The following CLYBL variants were observed in gnomAD, a reference collection of about 807,000 sequenced individuals.
CLYBL encodes citramalyl-CoA lyase, mitochondrial.
In CLYBL, 31 loss-of-function variants were observed where a neutral mutation model predicts 38.9. The ratio of observed to expected loss-of-function variants is 0.80; its 90% CI spans 0.60 to 1.08. The LOEUF (loss-of-function observed/expected upper bound fraction) is 1.08. CLYBL is among the 50% of genes least tolerant of loss of function. The pLI is 0.00. For missense variants in CLYBL, 434 were observed against 411.6 expected, an observed-to-expected ratio of 1.05 and a Z score of -0.47; for synonymous variants, 171 against 158.6, an observed-to-expected ratio of 1.08 and a Z score of -0.59.
At chr13:99,894,910 G>GA (rs1235483239), downstream of CLYBL, 1 of 152,156 alleles carries the variant, frequency 6.6e-6, no homozygotes, top group African/African-American at 2.4e-5. Context: ...CACAAGTTAG[G>GA]AAGTTTCTCG....
chr13:99,838,288 T>TTA, intron 2 of CLYBL, among the ~76,000 whole-genome samples: 1 of 152,332 alleles, frequency 6.6e-6, no homozygotes, highest in South Asian at 2.1e-4. Flanking sequence ...CAGCAATATG[T>TTA]TATTTTTATT....
At chr13:99,702,632 CAAA>C (rs60185334) in intron 1 of CLYBL, among the ~76,000 whole-genome samples, 5 of 68,402 alleles carry the variant, frequency 7.3e-5, no homozygotes, top group Admixed American at 1.6e-4. Context: ...AATTCCGTCT[CAAA>C]AAAAAAAAAA....
At chr13:99,893,923 A>G (rs551886518), downstream of CLYBL, 1 of 152,690 alleles carries the variant, frequency 6.5e-6, no homozygotes, top group East Asian at 1.9e-4. Context: ...TTGTTCAAAC[A>G]AAACCACCTT....
At chr13:99,802,524 A>C (rs1050233728) in intron 2 of CLYBL, among the ~76,000 whole-genome samples, 7 of 152,148 alleles carry the variant, frequency 4.6e-5, no homozygotes, top group Admixed American at 1.3e-4. Context: ...GGGGAGCTAT[A>C]ATGCTTCACT....
intron 1 of CLYBL, among the ~76,000 whole-genome samples, chr13:99,623,183 GT>G (rs1264063094): frequency 6.6e-6 from 1 of 152,172 alleles, no homozygotes; most frequent in African/African-American, 2.4e-5. Context: ...CCACCAAACT[GT>G]TTTCCACAGT....
In CLYBL at chr13:99,676,616, G is replaced by A. The variant is rs1397675687; in HGVS notation, c.62+69859G>A. Among the ~76,000 whole-genome samples, 3 of 140,602 alleles carry A rather than the reference G, an allele frequency of 2.1e-5. 1 individual carries two copies. The highest frequency in any genetic ancestry group is 5.4e-5 in the African/African-American group (2 of 36,946). 92.2% of individuals were successfully genotyped at this position (140,602 alleles called of 152,430 possible). On this transcript the variant is annotated intron_variant, in intron 1 of 8. Coordinates refer to ENST00000339105, the MANE Select transcript of CLYBL (RefSeq NM_206808.5). ...TCTTCATTCTTTTTTTTTTTGAGGT[G>A]GAGTTTTGCTCTTGTTGCCCAGGCT... is the stretch of plus-strand genomic sequence containing the variant.
At chr13:99,649,191 T>C (rs893157781) in intron 1 of CLYBL, among the ~76,000 whole-genome samples, 4 of 152,184 alleles carry the variant, frequency 2.6e-5, no homozygotes, top group African/African-American at 9.7e-5. Context: ...CTGTCCCTTT[T>C]CTGGGCACTA....
At chr13:99,658,594 A>G (rs894215820) in intron 1 of CLYBL, among the ~76,000 whole-genome samples, 1 of 152,184 alleles carries the variant, frequency 6.6e-6, no homozygotes, top group East Asian at 1.9e-4. Flanking sequence ...GCCCGGCGAC[A>G]GGCCTCGGCC....
At chr13:99,658,260 C>T (rs1027426043) in intron 1 of CLYBL, among the ~76,000 whole-genome samples, 3 of 152,344 alleles carry the variant, frequency 2.0e-5, no homozygotes, top group African/African-American at 7.2e-5. Context: ...CAGGCCCACT[C>T]GGGGTGAATA....
rs2051707952 is a variant in CLYBL, at chr13:99,865,029, T to TGAC, written c.634+119_634+121dup. On this transcript the variant is annotated intron_variant, in intron 5 of 8. Coordinates refer to ENST00000339105, the MANE Select transcript of CLYBL (RefSeq NM_206808.5). The surrounding 1 kb of genome is among the most constrained non-coding windows in gnomAD (Gnocchi z 4.7). ...CATAACAATGTATATTTGCCAACCA[T>TGAC]GACAATGGTTTTTCATGACAATGGA... 1.3e-6 allele frequency: 1 copy of TGAC among 778,606 alleles called. No individual in the cohort carries two copies. Among genetic ancestry groups the TGAC allele is most frequent in the African/African-American group, 1.7e-5 (1 of 58,502 alleles). 48.2% of individuals were successfully genotyped at this position (778,606 alleles called of 1,614,324 possible).
intron 1 of CLYBL, among the ~76,000 whole-genome samples, chr13:99,669,859 G>A (rs185561175): frequency 1.3e-5 from 2 of 152,222 alleles, no homozygotes; most frequent in Admixed American, 1.3e-4. Flanking sequence ...TTAGCAAGGG[G>A]CCTATTAGAA....
intron 2 of CLYBL, among the ~76,000 whole-genome samples, chr13:99,789,429 T>G (rs1310955135): frequency 6.6e-6 from 1 of 152,230 alleles, no homozygotes; most frequent in Non-Finnish European, 1.5e-5. Flanking sequence ...AAGAACATCT[T>G]TATTTCTGCC....
intron 7 of CLYBL, among the ~76,000 whole-genome samples, chr13:99,881,697 C>T (rs949093218): frequency 6.6e-6 from 1 of 151,688 alleles, no homozygotes; most frequent in Middle Eastern, 3.2e-3. Context: ...AAAGTGATTA[C>T]AAGCGTTGAG....
intron 2 of CLYBL, among the ~76,000 whole-genome samples, chr13:99,857,804 A>G (rs1318158641): frequency 6.6e-6 from 1 of 152,170 alleles, no homozygotes. Flanking sequence ...AAATGGTTAT[A>G]TATTATTGAG....
chr13:99,704,116 A>G (rs2048110889), intron 1 of CLYBL, among the ~76,000 whole-genome samples: 1 of 152,176 alleles, frequency 6.6e-6, no homozygotes, highest in Non-Finnish European at 1.5e-5. Flanking sequence ...ACTTCTTTAT[A>G]TTGTTAATGA....
intron 1 of CLYBL, among the ~76,000 whole-genome samples, chr13:99,716,149 G>T (rs2048307564): frequency 1.4e-5 from 1 of 70,658 alleles, no homozygotes; most frequent in Non-Finnish European, 3.0e-5. Context: ...ATGTTAAATT[G>T]TCCTTGCTTT....
rs1366110606 is a variant in CLYBL, at chr13:99,819,465, T to TATATATATATATATATAA, written c.250-39393_250-39392insTATATATATATATAAATA. 5.4e-4 allele frequency among the ~76,000 whole-genome samples: 32 copies of TATATATATATATATATAA among 58,750 alleles called. 3 individuals are homozygous for TATATATATATATATATAA. The highest frequency in any genetic ancestry group is 1.6e-3 in the East Asian group (3 of 1,838). The allele number at this position is 58,750 out of a possible 152,430, so 38.5% of individuals were successfully genotyped here. A position where few individuals can be genotyped will look rare whatever the true frequency, so the allele number is the denominator to read the frequency against. ...ATATATATATATATATATATATATATATAATATTTGTCAGGGTTGTCTGGG... is the reference window on the plus strand; with the variant it reads ...ATATATATATATATATATATATATATATATATATATATATATAAATAATATTTGTCAGGGTTGTCTGGG... On this transcript the variant is annotated intron_variant, in intron 2 of 8. Transcript: ENST00000339105.
At chr13:99,607,554 C>T (rs2139156959) in intron 1 of CLYBL, among the ~76,000 whole-genome samples, 1 of 152,230 alleles carries the variant, frequency 6.6e-6, no homozygotes, top group East Asian at 1.9e-4. Flanking sequence ...TTGCCCATCG[C>T]CTAGGTACGT....
chr13:99,851,691 C>T (rs1358534640), intron 2 of CLYBL, among the ~76,000 whole-genome samples: 6 of 152,102 alleles, frequency 3.9e-5, no homozygotes, highest in South Asian at 2.1e-4. Flanking sequence ...TAGTAAGTTT[C>T]GGCGAGCATG....
Sources: gnomAD v4.1 joint callset for allele counts (sites outside exome capture counted in the v4.1 genomes callset) on GRCh38, gnomAD v4.1.1 for gene constraint, Gnocchi (gnomAD v3.1) non-coding constraint, MANE v1.5 for transcripts, NCBI Gene and HGNC (gene_info 2026-07-23, HGNC 2026-07-21) for gene names.